Variants in RB1 observed in about 807,000 individuals in gnomAD.
The protein encoded by RB1 is retinoblastoma-associated protein.
Under a neutral mutation model 135.4 loss-of-function variants are expected in RB1, and 18 were observed. The ratio of observed to expected loss-of-function variants is 0.13; its 90% CI spans 0.09 to 0.20. The LOEUF (loss-of-function observed/expected upper bound fraction) is 0.20. Among genes scored for constraint, RB1 ranks in the 10% least tolerant of loss-of-function variants. RB1 has a pLI of 1.00. For synonymous variants in RB1, 365 were observed against 373.2 expected, an observed-to-expected ratio of 0.98 and a Z score of 0.25; for missense variants, 868 against 1,110.0, an observed-to-expected ratio of 0.78 and a Z score of 3.10.
chr13:48,414,347 A>G (rs2138212785), intron 17 of RB1, among the ~76,000 whole-genome samples: 1 of 151,980 alleles, frequency 6.6e-6, no homozygotes, highest in East Asian at 1.9e-4. Context: ...TATCTCAAAA[A>G]AAAAAAAAAA....
In RB1 at chr13:48,373,416, A is replaced by G. The variant is rs1470523018; in HGVS notation, c.1139A>G (p.Asn380Ser). 16 of 1,588,354 alleles carry G rather than the reference A, an allele frequency of 1.0e-5. No homozygotes were observed. Among genetic ancestry groups the G allele is most frequent in the Non-Finnish European group, 1.4e-5 (16 of 1,157,236 alleles). ...TTTATCCCCTCTAGGACTGTTATGA[A>G]CACTATCCAACAATTAATGATGATT... Reference protein sequence around the residue: ...PPHTPVRTVMNTIQQLMMILN... With the variant: ...PPHTPVRTVMSTIQQLMMILN... The change falls in exon 12 of 27, where the codon AAC becomes AGC. Residue 380 changes from asparagine to serine, a missense_variant. Physicochemically the swap from Asn to Ser is conservative, Grantham distance 46. Transcript: ENST00000267163.
intron 17 of RB1, among the ~76,000 whole-genome samples, chr13:48,403,501 C>T (rs1948712173): frequency 6.6e-6 from 1 of 151,986 alleles, no homozygotes; most frequent in Admixed American, 6.5e-5. Flanking sequence ...CCACAGCACA[C>T]AACACCCCCA....
chr13:48,478,364 C>A (rs1949516658), intron 26 of RB1, among the ~76,000 whole-genome samples: 1 of 151,972 alleles, frequency 6.6e-6, no homozygotes, highest in Admixed American at 6.6e-5. Flanking sequence ...ATAAATGAAT[C>A]TCTTTTTGGA....
chr13:48,376,368 C>T (rs994806320), intron 12 of RB1, among the ~76,000 whole-genome samples: 2 of 151,904 alleles, frequency 1.3e-5, no homozygotes, highest in South Asian at 2.1e-4. Context: ...AGGCGTGGTG[C>T]GCTTGCCTAT....
At position 48,408,659 on chromosome 13, in the gene RB1, T is replaced by C. The variant is rs540148707; in HGVS notation, c.1695+27216T>C. 5.9e-5 allele frequency: 9 copies of C among 152,306 alleles called. No individual in the cohort carries two copies. In the East Asian group the frequency reaches 1.2e-3, roughly 20 times the overall value. 9.4% of individuals were successfully genotyped at this position (152,306 alleles called of 1,614,324 possible). ...AACACTAGCAAAGGAAAATAAATTT[T>C]GTTCTGGTACACTTTTTTTCCATAG... On this transcript the variant is annotated intron_variant, in intron 17 of 26. Transcript: ENST00000267163.
At chr13:48,387,823 G>T (rs1487539835) in intron 17 of RB1, among the ~76,000 whole-genome samples, 1 of 151,908 alleles carries the variant, frequency 6.6e-6, no homozygotes, top group Non-Finnish European at 1.5e-5. Flanking sequence ...AAGCTTTTGG[G>T]GTCCTTAGTA....
intron 7 of RB1, 118 bp downstream of exon 7, chr13:48,360,245 G>A (rs1464679722): frequency 2.6e-6 from 4 of 1,531,194 alleles, no homozygotes; most frequent in Non-Finnish European, 3.5e-6. Flanking sequence ...AATCAGACAT[G>A]GACTTTGCCC....
At chr13:48,433,695 T>A (rs909170812) in intron 17 of RB1, among the ~76,000 whole-genome samples, 1 of 151,640 alleles carries the variant, frequency 6.6e-6, no homozygotes, top group African/African-American at 2.4e-5. Flanking sequence ...TTTTTTTTTT[T>A]ACCTTTAGTA....
chr13:48,385,685 C>CTATTGTTCTATCTTTTTTGTTTTGT (rs1948566232), intron 17 of RB1, among the ~76,000 whole-genome samples: 1 of 152,170 alleles, frequency 6.6e-6, no homozygotes, highest in Non-Finnish European at 1.5e-5. Context: ...AGACTCAGAG[C>CTATTGTTCTATCTTTTTTGTTTTGT]AGCCAAATGA....
rs544256732 is a variant in RB1, at chr13:48,480,097, G to C, written c.*26G>C. On this transcript the variant is annotated 3_prime_UTR_variant, in exon 27 of 27. Transcript: ENST00000267163. The stretch of plus-strand genomic sequence containing the variant: ...GGATCTCAGGACCTTGGTGGACACT[G>C]TGTACACCTCTGGATTCATTGTCTC... The C allele has an allele frequency of 6.4e-7, 1 of 1,564,116 alleles. No individual in the cohort carries two copies. Among genetic ancestry groups the C allele is most frequent in the African/African-American group, 1.4e-5 (1 of 73,678 alleles).
intron 17 of RB1, among the ~76,000 whole-genome samples, chr13:48,431,712 G>T (rs1949131446): frequency 6.6e-6 from 1 of 152,246 alleles, no homozygotes; most frequent in African/African-American, 2.4e-5. Flanking sequence ...TCTACAAAAG[G>T]CCCCCTGTTA....
chr13:48,382,470 G>T (rs936173131), intron 17 of RB1, among the ~76,000 whole-genome samples: 1 of 152,096 alleles, frequency 6.6e-6, no homozygotes, highest in African/African-American at 2.4e-5. Context: ...ATTTTTTCAT[G>T]TGTCTTTTGG....
intron 2 of RB1, chr13:48,317,482 C>G (rs1192781046): frequency 1.1e-5 from 5 of 441,180 alleles, no homozygotes; most frequent in East Asian, 1.1e-4. Flanking sequence ...CAGGAAGCCC[C>G]GGCTCCCGCA....
At chr13:48,453,919 G>A (rs1175974323) in intron 18 of RB1, among the ~76,000 whole-genome samples, 1 of 152,154 alleles carries the variant, frequency 6.6e-6, no homozygotes, top group African/African-American at 2.4e-5. Context: ...ATTTGTGTGG[G>A]AACAAAAGGA....
intron 17 of RB1, among the ~76,000 whole-genome samples, chr13:48,409,714 G>A (rs1269952136): frequency 6.6e-6 from 1 of 151,166 alleles, no homozygotes; most frequent in African/African-American, 2.4e-5. Context: ...CCGAGTAGCT[G>A]GGACTACAGG....
At chr13:48,358,034 C>T (rs1243248411) in intron 6 of RB1, among the ~76,000 whole-genome samples, 2 of 152,058 alleles carry the variant, frequency 1.3e-5, no homozygotes, top group Non-Finnish European at 2.9e-5. Context: ...ATGGGTTCTT[C>T]CTGCTGGCTG....
intron 5 of RB1, 63 bp downstream of exon 5, chr13:48,347,926 A>C: frequency 7.9e-7 from 1 of 1,270,186 alleles, no homozygotes; most frequent in Non-Finnish European, 1.1e-6. Context: ...AATAATCTCA[A>C]ACATCTTGAT....
At chr13:48,379,449 C>A in intron 13 of RB1, 145 bp from the exon 14 acceptor site, 1 of 1,081,086 alleles carries the variant, frequency 9.2e-7, no homozygotes, top group Non-Finnish European at 1.3e-6. Flanking sequence ...TCTTGGGAGG[C>A]CAAAGCAGGA....
At position 48,450,778 on chromosome 13, in the gene RB1, G is replaced by A. The variant is rs556350569; in HGVS notation, c.1696-2215G>A. On this transcript the variant is annotated intron_variant, in intron 17 of 26. Transcript: ENST00000267163. ...TCTATAAATAACTTTGGGCTGTATGGTCAGTCTTACAATATTGATTCTTTC... is the reference window on the plus strand; with the variant it reads ...TCTATAAATAACTTTGGGCTGTATGATCAGTCTTACAATATTGATTCTTTC... Among the ~76,000 whole-genome samples the A allele has an allele frequency of 5.9e-5, 9 of 152,240 alleles. 1 individual carries two copies. The highest frequency in any genetic ancestry group is 5.9e-4 in the Admixed American group (9 of 15,286).
Sources: allele counts gnomAD v4.1 joint callset (sites outside exome capture counted in the v4.1 genomes callset), GRCh38; gene constraint gnomAD v4.1.1; transcripts MANE v1.5; gene names NCBI Gene and HGNC (gene_info 2026-07-23, HGNC 2026-07-21).